Variants in EGFLAM observed in about 807,000 individuals in gnomAD.
The protein encoded by EGFLAM is EGF like, fibronectin type III and laminin G domains, also known as pikachurin.
Under a neutral mutation model 113.1 loss-of-function variants are expected in EGFLAM, and 79 were observed. The observed-to-expected ratio is 0.70, with a 90% confidence interval of 0.58 to 0.84. The LOEUF (loss-of-function observed/expected upper bound fraction) is 0.84. Ranked by LOEUF, EGFLAM falls within the 40% of genes least tolerant of loss-of-function variation. EGFLAM has a pLI of 0.00. For missense variants in EGFLAM, 1,265 were observed against 1,291.6 expected, an observed-to-expected ratio of 0.98 and a Z score of 0.32; for synonymous variants, 504 against 487.6, an observed-to-expected ratio of 1.03 and a Z score of -0.44.
At chr5:38,294,488 C>G (rs1203592851) in intron 1 of EGFLAM, among the ~76,000 whole-genome samples, 1 of 152,110 alleles carries the variant, frequency 6.6e-6, no homozygotes, top group African/African-American at 2.4e-5. Flanking sequence ...AGTAATCTAA[C>G]CTACCCCTAT....
intron 6 of EGFLAM, among the ~76,000 whole-genome samples, chr5:38,391,455 T>C (rs1740809326): frequency 6.6e-6 from 1 of 151,650 alleles, no homozygotes; most frequent in Non-Finnish European, 1.5e-5. Context: ...TGGAGTACAG[T>C]GGCCTGATCT....
chr5:38,364,566 A>C (rs1044730680), intron 5 of EGFLAM, among the ~76,000 whole-genome samples: 3 of 152,194 alleles, frequency 2.0e-5, no homozygotes, highest in Admixed American at 6.5e-5. Context: ...AAAGGTGCCC[A>C]TCTATATCCT....
At chr5:38,394,035 G>A (rs1740886821) in intron 6 of EGFLAM, among the ~76,000 whole-genome samples, 1 of 152,094 alleles carries the variant, frequency 6.6e-6, no homozygotes, top group South Asian at 2.1e-4. Context: ...TCTCCGGCTA[G>A]GCCCATCTCC....
chr5:38,270,729 T>C (rs1004098568), intron 1 of EGFLAM, among the ~76,000 whole-genome samples: 2 of 152,126 alleles, frequency 1.3e-5, no homozygotes, highest in Admixed American at 6.5e-5. Context: ...TCATAATACC[T>C]ACTACAAAGG....
intron 14 of EGFLAM, among the ~76,000 whole-genome samples, chr5:38,430,360 TCAC>T (rs1315391357): frequency 2.0e-5 from 3 of 152,190 alleles, no homozygotes; most frequent in Non-Finnish European, 4.4e-5. Context: ...AAAACCCATT[TCAC>T]CAGACTCACT....
At chr5:38,272,342 G>T (rs1757783486) in intron 1 of EGFLAM, among the ~76,000 whole-genome samples, 1 of 152,148 alleles carries the variant, frequency 6.6e-6, no homozygotes, top group Non-Finnish European at 1.5e-5. Flanking sequence ...GGTTAAAATA[G>T]TCCAGTGTCC....
intron 14 of EGFLAM, chr5:38,427,477 C>T: frequency 1.6e-6 from 1 of 617,152 alleles, no homozygotes; most frequent in South Asian, 2.3e-5. Context: ...AACTACCCAA[C>T]AGGTAGCAAT....
rs571765524 is a variant in EGFLAM at position 38,358,571 on chromosome 5, G to C, written c.545+6240G>C. ...TATGCATAATATGATGATGTCTTGA[G>C]TCAGGGGCTTAGGACCAAGCAAATT... On this transcript the variant is annotated intron_variant, in intron 5 of 21. Transcript: ENST00000322350. 2.8e-4 allele frequency among the ~76,000 whole-genome samples: 42 copies of C among 152,012 alleles called. 1 individual carries two copies. The South Asian group carries it at 4.8e-3, about 17-fold the overall frequency.
chr5:38,276,303 G>C (rs1028009628), intron 1 of EGFLAM, among the ~76,000 whole-genome samples: 1 of 152,136 alleles, frequency 6.6e-6, no homozygotes, highest in Non-Finnish European at 1.5e-5. Context: ...GGGAATTATG[G>C]GAGCAACAAG....
intron 5 of EGFLAM, among the ~76,000 whole-genome samples, chr5:38,360,902 C>T (rs774805220): frequency 1.2e-4 from 18 of 151,506 alleles, no homozygotes; most frequent in Non-Finnish European, 1.6e-4. Context: ...TCACTTAGGC[C>T]GGAGTGCAGT....
chr5:38,462,803 G>A, intron 20 of EGFLAM, 105 bp from the exon 21 acceptor site: 1 of 1,259,820 alleles, frequency 7.9e-7, no homozygotes, highest in East Asian at 2.5e-5. Context: ...ACAGTACCTG[G>A]CACATAGTGT....
chr5:38,275,158 A>G (rs1757857295), intron 1 of EGFLAM, among the ~76,000 whole-genome samples: 1 of 152,224 alleles, frequency 6.6e-6, no homozygotes, highest in Non-Finnish European at 1.5e-5. Context: ...AGAAAGAAAT[A>G]TGGTAAGAAA....
chr5:38,406,948 C>G lies in EGFLAM; in HGVS notation c.949C>G (p.Pro317Ala). ...RLIPPTSASL[P>A]VTTVAPQPIP... ...CATCCCCCCTACCTCAGCATCTCTC[C>G]CTGTGACCACGGTGGCTCCCCAGCC... Residue 317 changes from proline to alanine, a missense_variant, in exon 8 of 22, where the codon CCT (proline) becomes GCT (alanine). Physicochemically the swap from Pro to Ala is conservative, Grantham distance 27 (BLOSUM62 -1). Coordinates refer to ENST00000322350, the MANE Select transcript of EGFLAM (RefSeq NM_152403.4). 1 of 1,614,182 alleles carries G rather than the reference C, an allele frequency of 6.2e-7. No homozygotes were observed. Among genetic ancestry groups the G allele is most frequent in the Non-Finnish European group, 8.5e-7 (1 of 1,180,040 alleles).
chr5:38,319,673 G>C (rs1738690594), intron 1 of EGFLAM, among the ~76,000 whole-genome samples: 1 of 152,318 alleles, frequency 6.6e-6, no homozygotes, highest in African/African-American at 2.4e-5. Flanking sequence ...AAGATGATGG[G>C]TTCCATCTGG....
chr5:38,302,658 C>T (rs1427301007), intron 1 of EGFLAM, among the ~76,000 whole-genome samples: 2 of 145,344 alleles, frequency 1.4e-5, no homozygotes, highest in East Asian at 4.1e-4. Flanking sequence ...AGACTCTTGA[C>T]ATTTCAGACT....
At chr5:38,373,914 C>T (rs1740296179) in intron 6 of EGFLAM, among the ~76,000 whole-genome samples, 1 of 152,090 alleles carries the variant, frequency 6.6e-6, no homozygotes, top group South Asian at 2.1e-4. Flanking sequence ...CACAGTCATG[C>T]CGACATCTGG....
chr5:38,412,020 G>A (rs372649522), intron 10 of EGFLAM, among the ~76,000 whole-genome samples: 5 of 152,072 alleles, frequency 3.3e-5, no homozygotes, highest in South Asian at 2.1e-4. Context: ...GGCTGGTCTC[G>A]AACTCCTAAC....
At chr5:38,399,051 G>A (rs886297362) in intron 6 of EGFLAM, among the ~76,000 whole-genome samples, 4 of 152,158 alleles carry the variant, frequency 2.6e-5, no homozygotes, top group Admixed American at 2.0e-4. Flanking sequence ...GTCAGAAGAC[G>A]TAGCTCATTC....
chr5:38,373,606 T>C (rs550644522), intron 6 of EGFLAM, among the ~76,000 whole-genome samples: 2 of 152,362 alleles, frequency 1.3e-5, no homozygotes, highest in East Asian at 3.9e-4. Flanking sequence ...TTCTTTGTTA[T>C]GGCTGCATAA....
Sources: gnomAD v4.1 joint callset for allele counts (sites outside exome capture counted in the v4.1 genomes callset) on GRCh38, gnomAD v4.1.1 for gene constraint, MANE v1.5 for transcripts, NCBI Gene and HGNC (gene_info 2026-07-23, HGNC 2026-07-21) for gene names.